The following MYLK variants were observed in gnomAD, a reference collection of about 807,000 sequenced individuals.
MYLK encodes myosin light chain kinase, smooth muscle.
A neutral mutation model predicts 203.4 loss-of-function variants in MYLK; 106 were observed. That is an observed-to-expected ratio of 0.52 (90% CI 0.45 to 0.61). MYLK has a LOEUF of 0.61. Ranked by LOEUF, MYLK falls within the 20% of genes least tolerant of loss-of-function variation. The pLI, the probability that MYLK is intolerant of heterozygous loss-of-function variation, is 0.00. For missense variants in MYLK, 2,072 were observed against 2,442.3 expected (o/e 0.85, Z 3.20); for synonymous variants, 867 against 959.5 (o/e 0.90, Z 1.78).
At chr3:123,714,468 GC>G (rs2061825264) in intron 13 of MYLK, among the ~76,000 whole-genome samples, 1 of 152,110 alleles carries the variant, frequency 6.6e-6, no homozygotes, top group African/African-American at 2.4e-5. Flanking sequence ...GAGGCAAGAG[GC>G]CCCCAGTGAC....
intron 7 of MYLK, 87 bp from the exon 8 acceptor site, chr3:123,737,630 T>TA: frequency 6.4e-7 from 1 of 1,558,616 alleles, no homozygotes; most frequent in African/African-American, 1.4e-5. Context: ...CCTAGTGGGA[T>TA]AGACTCCAGG....
At chr3:123,740,865 G>A (rs1040487173) in intron 5 of MYLK, among the ~76,000 whole-genome samples, 7 of 152,376 alleles carry the variant, frequency 4.6e-5, no homozygotes, top group Admixed American at 3.9e-4. Flanking sequence ...TAGGCAGGAG[G>A]CCATTAAATA....
chr3:123,818,754 C>A (rs1409117612), intron 3 of MYLK, among the ~76,000 whole-genome samples: 1 of 152,206 alleles, frequency 6.6e-6, no homozygotes, highest in African/African-American at 2.4e-5. Context: ...ATTTGAATCT[C>A]AGTTCTGTCA....
At chr3:123,720,668 T>C (rs2062056935) in intron 13 of MYLK, among the ~76,000 whole-genome samples, 1 of 152,182 alleles carries the variant, frequency 6.6e-6, no homozygotes, top group Admixed American at 6.5e-5. Flanking sequence ...ATGAGTAAGT[T>C]TGTAAACCAG....
intron 8 of MYLK, among the ~76,000 whole-genome samples, chr3:123,736,077 T>C (rs2062663696): frequency 6.6e-6 from 1 of 152,188 alleles, no homozygotes; most frequent in Non-Finnish European, 1.5e-5. Context: ...CACACATTGC[T>C]CTGGGTGTCT....
chr3:123,610,596 T>C lies in MYLK; in HGVS notation c.*3509A>G, dbSNP rs1253617027. On this transcript the variant is annotated 3_prime_UTR_variant, in exon 34 of 34. Coordinates refer to ENST00000360304, the MANE Select transcript of MYLK (RefSeq NM_053025.4). ...CCCCATCTAACCAGGAAGCCGAGAG[T>C]GAAGCCCTAACTCTGTGCAGAGATC... 6.6e-6 allele frequency: 1 copy of C among 152,014 alleles called. No homozygotes were observed. Among genetic ancestry groups the C allele is most frequent in the Non-Finnish European group, 1.5e-5 (1 of 68,032 alleles). 9.4% of individuals were successfully genotyped at this position (152,014 alleles called of 1,614,324 possible). A position where few individuals can be genotyped will look rare whatever the true frequency, so the allele number is the denominator to read the frequency against.
chr3:123,827,082 A>T (rs2066144601), intron 3 of MYLK, among the ~76,000 whole-genome samples: 1 of 152,240 alleles, frequency 6.6e-6, no homozygotes, highest in African/African-American at 2.4e-5. Flanking sequence ...AAGGAAATAT[A>T]TGAAATGCCA....
At chr3:123,620,819 A>C in intron 31 of MYLK, 2 of 194,652 alleles carry the variant, frequency 1.0e-5, no homozygotes, top group Non-Finnish European at 2.0e-5. Flanking sequence ...TAATAATAAC[A>C]CAGCATCCTG....
At position 123,767,257 on chromosome 3, in the gene MYLK, A is replaced by G. The variant is rs73857514; in HGVS notation, c.166-14719T>C. ...GGTCTCAGTACAGACAACTGCTCAG[A>G]CCACCCAGCTCAGAGAATTTCAGGC... On this transcript the variant is annotated intron_variant, in intron 4 of 33. Transcript: ENST00000360304. 4.7e-3 allele frequency among the ~76,000 whole-genome samples: 710 copies of G among 152,262 alleles called. 5 individuals carry two copies. The highest frequency in any genetic ancestry group is 0.016 in the African/African-American group (680 of 41,534).
chr3:123,793,467 C>T (rs763573841), intron 4 of MYLK, among the ~76,000 whole-genome samples: 18 of 152,166 alleles, frequency 1.2e-4, no homozygotes, highest in Admixed American at 2.0e-4. Flanking sequence ...CAACTTGCAG[C>T]GTCCTCCCCA....
At chr3:123,647,527 C>G in intron 26 of MYLK, 100 bp from the exon 27 acceptor site, 1 of 996,600 alleles carries the variant, frequency 1.0e-6, no homozygotes, top group Non-Finnish European at 1.6e-6. Flanking sequence ...TCTGGCCCAC[C>G]TCCTTTTATA....
intron 17 of MYLK, 69 bp downstream of exon 17, chr3:123,701,364 CTGGAG>C: frequency 6.7e-7 from 1 of 1,482,960 alleles, no homozygotes; most frequent in Non-Finnish European, 9.4e-7. Context: ...GGCTGCTGGG[CTGGAG>C]CTGCCGGGGC....
Position 123,733,811 on chromosome 3 carries a change from CACA to C in MYLK, c.1182_1184del (p.Val395del), listed in dbSNP as rs771815695. ...GGATTCTCCTGTTAGCAGCCTTGCT[CACA>C]ACATCTTGGCTCCCCAGGCCAGGCT... On this transcript the variant is annotated inframe_deletion, in exon 10 of 34. Coordinates refer to ENST00000360304, the MANE Select transcript of MYLK (RefSeq NM_053025.4). 4.5e-5 allele frequency: 72 copies of C among 1,614,052 alleles called. No homozygotes were observed. The East Asian group carries it at 8.0e-4, about 18-fold the overall frequency.
chr3:123,659,618 C>A, intron 23 of MYLK: 1 of 506,670 alleles, frequency 2.0e-6, no homozygotes, highest in East Asian at 5.6e-5. Flanking sequence ...TGGGCTGCAC[C>A]TAATGCTTTC....
intron 16 of MYLK, among the ~76,000 whole-genome samples, chr3:123,705,580 G>A (rs1402836386): frequency 6.6e-6 from 1 of 152,168 alleles, no homozygotes; most frequent in African/African-American, 2.4e-5. Flanking sequence ...ATGACGATGA[G>A]GCTGGATAAC....
At chr3:123,671,556 G>A (rs6796137) in intron 20 of MYLK, among the ~76,000 whole-genome samples, 2,290 of 152,226 alleles carry the variant, frequency 0.015, 57 homozygotes, top group African/African-American at 0.052. Context: ...CGGTGATGCT[G>A]GAGAGGCCAG....
At chr3:123,820,379 C>T (rs549228599) in intron 3 of MYLK, among the ~76,000 whole-genome samples, 2 of 152,212 alleles carry the variant, frequency 1.3e-5, no homozygotes, top group South Asian at 2.1e-4. Context: ...TATGGAAATG[C>T]CTAATATAAT....
rs897331181 is a variant in MYLK, at chr3:123,784,905, C to T, written c.165+8772G>A. The stretch of plus-strand genomic sequence containing the variant: ...TAGAGGACTTGGTCATAGTCACAGG[C>T]TTGGTCATGGAGCAAGTGGGCAGAT... On this transcript the variant is annotated intron_variant, in intron 4 of 33. Coordinates refer to ENST00000360304, the MANE Select transcript of MYLK (RefSeq NM_053025.4). Among the ~76,000 whole-genome samples the T allele has an allele frequency of 5.9e-5, 9 of 152,320 alleles. No individual in the cohort carries two copies. The East Asian group carries it at 1.4e-3, about 23-fold the overall frequency.
At chr3:123,837,639 C>A (rs574443333) in intron 2 of MYLK, among the ~76,000 whole-genome samples, 1 of 151,732 alleles carries the variant, frequency 6.6e-6, no homozygotes, top group East Asian at 1.9e-4. Context: ...GCACTGATCA[C>A]CTCAATGAAT....
Sources: allele counts gnomAD v4.1 joint callset (sites outside exome capture counted in the v4.1 genomes callset), GRCh38; gene constraint gnomAD v4.1.1; transcripts MANE v1.5; gene names NCBI Gene and HGNC (gene_info 2026-07-23, HGNC 2026-07-21).